Variants in GRM8 observed in about 807,000 individuals in gnomAD.
GRM8 encodes the protein metabotropic glutamate receptor 8.
In GRM8, 47 loss-of-function variants were observed where a neutral mutation model predicts 87.2. That is an observed-to-expected ratio of 0.54 (90% CI 0.43 to 0.69). The LOEUF (loss-of-function observed/expected upper bound fraction) is 0.69, where lower values mean the gene tolerates loss of function less well. Ranked by LOEUF, GRM8 falls within the 30% of genes least tolerant of loss-of-function variation. GRM8 has a pLI of 0.00. For synonymous variants in GRM8, 396 were observed against 404.5 expected, an observed-to-expected ratio of 0.98 and a Z score of 0.25; for missense variants, 1,019 against 1,139.2, an observed-to-expected ratio of 0.89 and a Z score of 1.52.
intron 6 of GRM8, among the ~76,000 whole-genome samples, chr7:126,793,532 T>C (rs909685176): frequency 6.6e-6 from 1 of 152,206 alleles, no homozygotes; most frequent in Non-Finnish European, 1.5e-5. Context: ...GTGAAAACTG[T>C]AAAGAGTTAT....
intron 3 of GRM8, among the ~76,000 whole-genome samples, chr7:126,941,630 A>AG (rs1225971821): frequency 5.9e-5 from 9 of 151,988 alleles, no homozygotes; most frequent in East Asian, 1.9e-4. Context: ...AAAAAAAAAA[A>AG]AAAGAAAGAA....
At chr7:127,086,509 C>T (rs1191317861) in intron 3 of GRM8, among the ~76,000 whole-genome samples, 1 of 152,170 alleles carries the variant, frequency 6.6e-6, no homozygotes, top group African/African-American at 2.4e-5. Flanking sequence ...GTCTTAAATG[C>T]CTTTATCTCT....
intron 3 of GRM8, among the ~76,000 whole-genome samples, chr7:127,030,323 A>AG (rs1386674623): frequency 2.0e-5 from 3 of 152,130 alleles, no homozygotes; most frequent in Admixed American, 2.0e-4. Context: ...GTCTTCTTAT[A>AG]CTGACTGGTG....
At chr7:126,893,713 T>C (rs1035630413) in intron 6 of GRM8, among the ~76,000 whole-genome samples, 1 of 152,010 alleles carries the variant, frequency 6.6e-6, no homozygotes, top group Admixed American at 6.6e-5. Context: ...TGAGGGCAGA[T>C]GTTTAGCACA....
chr7:126,554,039 T>C (rs1323565127), intron 8 of GRM8, among the ~76,000 whole-genome samples: 1 of 152,174 alleles, frequency 6.6e-6, no homozygotes, highest in Non-Finnish European at 1.5e-5. Flanking sequence ...TATTTAATAA[T>C]GTATCATTGT....
intron 6 of GRM8, among the ~76,000 whole-genome samples, chr7:126,790,945 C>T (rs10248154): frequency 5.3e-5 from 8 of 152,142 alleles, no homozygotes; most frequent in East Asian, 1.9e-4. Context: ...GTCTTTCCTG[C>T]GGGGCAGTTG....
In GRM8 at chr7:127,203,687, G is replaced by A. The variant is rs548309835; in HGVS notation, c.510+39008C>T. ...TGTGCCACTGTACTCCAGTCTGGGC[G>A]ACACAGCAAGACTCCATCTCAAAAT... On this transcript the variant is annotated intron_variant, in intron 2 of 10. Coordinates refer to ENST00000339582, the MANE Select transcript of GRM8 (RefSeq NM_000845.3). Among the ~76,000 whole-genome samples, 38 of 150,832 alleles carry A rather than the reference G, an allele frequency of 2.5e-4. No homozygotes were observed. In the East Asian group the frequency reaches 3.9e-3, roughly 15 times the overall value.
intron 7 of GRM8, among the ~76,000 whole-genome samples, chr7:126,751,036 C>CTATTT (rs1554478707): frequency 8.4e-6 from 1 of 119,124 alleles, no homozygotes; most frequent in Non-Finnish European, 2.0e-5. Flanking sequence ...AAAATTATCC[C>CTATTT]TACTTTATAT....
At chr7:126,737,718 A>T (rs1330212489) in intron 7 of GRM8, among the ~76,000 whole-genome samples, 3 of 152,084 alleles carry the variant, frequency 2.0e-5, no homozygotes, top group South Asian at 2.1e-4. Flanking sequence ...TTCAGCAAAC[A>T]TCTATTGAAC....
At chr7:126,744,602 C>T (rs1218945544) in intron 7 of GRM8, among the ~76,000 whole-genome samples, 2 of 151,958 alleles carry the variant, frequency 1.3e-5, no homozygotes, top group African/African-American at 4.8e-5. Flanking sequence ...CTATTTAAAG[C>T]ACAACATAGA....
chr7:126,751,182 A>G (rs906750244), intron 7 of GRM8, among the ~76,000 whole-genome samples: 2 of 152,108 alleles, frequency 1.3e-5, no homozygotes, highest in Non-Finnish European at 2.9e-5. Flanking sequence ...AAGAAAACCA[A>G]TGTGACTAAA....
chr7:127,237,705 A>C (rs1271073366), intron 2 of GRM8, among the ~76,000 whole-genome samples: 1 of 152,240 alleles, frequency 6.6e-6, no homozygotes, highest in South Asian at 2.1e-4. Context: ...ACTACAGACT[A>C]TCTAACCCCT....
At chr7:126,976,123 A>G (rs1213722720) in intron 3 of GRM8, among the ~76,000 whole-genome samples, 2 of 152,218 alleles carry the variant, frequency 1.3e-5, no homozygotes, top group Non-Finnish European at 2.9e-5. Flanking sequence ...GGAAACACAC[A>G]CATAAACTAT....
At chr7:126,922,871 T>C (rs1002566987) in intron 3 of GRM8, among the ~76,000 whole-genome samples, 11 of 152,234 alleles carry the variant, frequency 7.2e-5, no homozygotes, top group Admixed American at 2.6e-4. Context: ...GCTCCTGCCA[T>C]GTAAGACACC....
In GRM8 at chr7:126,678,280, G is replaced by A. The variant is rs1323367058; in HGVS notation, c.1358-68782C>T. Among the ~76,000 whole-genome samples, 3 of 152,108 alleles carry A rather than the reference G, an allele frequency of 2.0e-5. No individual in the cohort carries two copies. The East Asian group carries it at 5.8e-4, about 29-fold the overall frequency. ...ATTTTTTATATTTAAGACATACCTG[G>A]TTTATGTTTAATAGTTGATAAGTAG... On this transcript the variant is annotated intron_variant, in intron 7 of 10. Transcript: ENST00000339582.
At chr7:127,243,910 ATAT>A (rs1388116715) in intron 1 of GRM8, among the ~76,000 whole-genome samples, 3 of 151,986 alleles carry the variant, frequency 2.0e-5, no homozygotes, top group Non-Finnish European at 2.9e-5. Flanking sequence ...ATCATAATAA[ATAT>A]TATTTTCTGT....
intron 3 of GRM8, among the ~76,000 whole-genome samples, chr7:127,095,362 G>A (rs994326694): frequency 3.9e-5 from 6 of 152,188 alleles, no homozygotes; most frequent in Non-Finnish European, 5.9e-5. Flanking sequence ...AATTAAAATT[G>A]CTGCCAAGGG....
intron 3 of GRM8, among the ~76,000 whole-genome samples, chr7:127,051,424 C>T (rs889316251): frequency 2.0e-5 from 3 of 151,916 alleles, no homozygotes; most frequent in African/African-American, 7.3e-5. Context: ...TTGTACAATA[C>T]CCCATGTTAA....
intron 8 of GRM8, among the ~76,000 whole-genome samples, chr7:126,544,738 G>A (rs1175455306): frequency 1.3e-5 from 2 of 152,016 alleles, no homozygotes; most frequent in African/African-American, 2.4e-5. Flanking sequence ...TCAAACTCCT[G>A]ACCTCATGAT....
Sources: allele counts gnomAD v4.1 joint callset (sites outside exome capture counted in the v4.1 genomes callset), GRCh38; gene constraint gnomAD v4.1.1; transcripts MANE v1.5; gene names NCBI Gene and HGNC (gene_info 2026-07-23, HGNC 2026-07-21).